The following ANKRD62 variants were observed in gnomAD, a reference collection of about 807,000 sequenced individuals.
ANKRD62 encodes ankyrin repeat domain-containing protein 62.
A neutral mutation model predicts 98.8 loss-of-function variants in ANKRD62; 61 were observed. The ratio of observed to expected loss-of-function variants is 0.62; its 90% CI spans 0.50 to 0.76. The LOEUF is 0.76. Among genes scored for constraint, ANKRD62 ranks in the 30% least tolerant of loss-of-function variants. The probability of loss-of-function intolerance (pLI) is 0.00; values close to 1 mark genes in which losing one functional copy is unlikely to be tolerated. For synonymous variants in ANKRD62, 341 were observed against 367.9 expected, an observed-to-expected ratio of 0.93 and a Z score of 0.84; for missense variants, 933 against 1,082.9, an observed-to-expected ratio of 0.86 and a Z score of 1.94.
At chr18:12,172,774 C>T in the ANKRD62 span, among the ~76,000 whole-genome samples, 91,594 of 150,676 alleles carry the variant, frequency 0.61, 28,030 homozygotes, top group Middle Eastern at 0.75. Context: ...AACTTCCCAG[C>T]GGCTTTATTT....
chr18:12,157,716 G>A, the ANKRD62 span, among the ~76,000 whole-genome samples: 2 of 152,100 alleles, frequency 1.3e-5, no homozygotes, highest in African/African-American at 4.8e-5. Context: ...GGTGGTCATT[G>A]GCTGTCTGTT....
chr18:12,103,534 A>G (rs1449521984), intron 7 of ANKRD62, among the ~76,000 whole-genome samples: 4 of 152,152 alleles, frequency 2.6e-5, no homozygotes, highest in African/African-American at 4.8e-5. Flanking sequence ...AATAAAAATT[A>G]TGAATAATTT....
intron 8 of ANKRD62, among the ~76,000 whole-genome samples, chr18:12,108,877 G>T (rs1413625437): frequency 6.6e-6 from 1 of 152,326 alleles, no homozygotes; most frequent in Non-Finnish European, 1.5e-5. Context: ...GCTCCTAAAT[G>T]ATCTCCTTTG....
intron 6 of ANKRD62, among the ~76,000 whole-genome samples, chr18:12,100,969 A>G (rs1398184812): frequency 2.0e-5 from 3 of 152,206 alleles, no homozygotes; most frequent in Admixed American, 6.5e-5. Flanking sequence ...GCCTCTTTGA[A>G]GTAGGACACA....
the ANKRD62 span, among the ~76,000 whole-genome samples, chr18:12,150,495 A>T: frequency 1.3e-5 from 2 of 152,166 alleles, no homozygotes; most frequent in African/African-American, 2.4e-5. Flanking sequence ...CAAGACATAT[A>T]ATCATCAGAT....
intron 8 of ANKRD62, among the ~76,000 whole-genome samples, chr18:12,111,702 G>C (rs1293958852): frequency 6.6e-6 from 1 of 152,086 alleles, no homozygotes; most frequent in African/African-American, 2.4e-5. Flanking sequence ...TACAACTTGA[G>C]GAAAGTCTCA....
Position 12,095,550 on chromosome 18 carries a change from G to A in ANKRD62, c.447G>A (p.Glu149=). The part of the protein sequence containing the change: ...NTALHYAIDN[E]NISMARKLLA... ...CTCTGCACTATGCCATTGATAATGA[G>A]AATATATCAATGGCAAGAAAACTGC... Residue 149 remains glutamate (E), a synonymous_variant, in exon 3 of 14, where the codon GAG becomes GAA. Transcript: ENST00000587848. The A allele has an allele frequency of 1.3e-6, 2 of 1,548,224 alleles. No individual in the cohort carries two copies. Among genetic ancestry groups the A allele is most frequent in the Non-Finnish European group, 1.7e-6 (2 of 1,152,770 alleles).
At chr18:12,164,122 C>G in the ANKRD62 span, among the ~76,000 whole-genome samples, 1 of 151,852 alleles carries the variant, frequency 6.6e-6, no homozygotes, top group African/African-American at 2.4e-5. Context: ...AGCAGTGAAG[C>G]CATTGGGCCT....
chr18:12,140,964 G>GAGGC, the ANKRD62 span, among the ~76,000 whole-genome samples: 1 of 152,238 alleles, frequency 6.6e-6, no homozygotes, highest in Non-Finnish European at 1.5e-5. Context: ...GGAGCCTACA[G>GAGGC]AGGCAGGCAG....
chr18:12,124,387 C>T, intron 12 of ANKRD62, 67 bp downstream of exon 12: 1 of 508,242 alleles, frequency 2.0e-6, no homozygotes, highest in Non-Finnish European at 3.2e-6. Flanking sequence ...TAGAATATCC[C>T]TTTGACTTAG....
the ANKRD62 span, among the ~76,000 whole-genome samples, chr18:12,140,105 C>T: frequency 5.3e-5 from 8 of 152,158 alleles, no homozygotes; most frequent in Non-Finnish European, 8.8e-5. Context: ...TTTCGTCTTC[C>T]ATCACTGATA....
the ANKRD62 span, among the ~76,000 whole-genome samples, chr18:12,146,767 C>T: frequency 1.3e-5 from 2 of 152,422 alleles, no homozygotes; most frequent in East Asian, 3.9e-4. Flanking sequence ...TTAAAGTGGG[C>T]TGCCGATCCT....
In ANKRD62 at chr18:12,095,427, A is replaced by C. The variant is rs1340459741; in HGVS notation, c.334-10A>C. On this transcript the variant is annotated splice_polypyrimidine_tract_variant and intron_variant, in intron 2 of 13. Coordinates refer to ENST00000587848, the MANE Select transcript of ANKRD62 (RefSeq NM_001277333.2). Reference sequence around the variant, plus strand: ...AATTTACAGTCTATTTCTTGGTCTAATACTGACAGGCTGTACAATGTCAAG... The same window carrying C: ...AATTTACAGTCTATTTCTTGGTCTACTACTGACAGGCTGTACAATGTCAAG... 1.3e-6 allele frequency: 2 copies of C among 1,567,000 alleles called. No individual in the cohort carries two copies. The highest frequency in any genetic ancestry group is 3.7e-5 in the Admixed American group (2 of 54,238).
chr18:12,151,748 A>G, the ANKRD62 span, among the ~76,000 whole-genome samples: 2 of 152,212 alleles, frequency 1.3e-5, no homozygotes, highest in Admixed American at 1.3e-4. Context: ...TGAGACTCAG[A>G]AAATTATCCA....
At chr18:12,113,133 A>T (rs1212403936) in intron 8 of ANKRD62, among the ~76,000 whole-genome samples, 1 of 152,058 alleles carries the variant, frequency 6.6e-6, no homozygotes, top group Non-Finnish European at 1.5e-5. Context: ...GACCTCAGGT[A>T]ATCTGCCCAC....
At chr18:12,107,712 A>G (rs1158676986) in intron 8 of ANKRD62, among the ~76,000 whole-genome samples, 1 of 152,182 alleles carries the variant, frequency 6.6e-6, no homozygotes, top group Non-Finnish European at 1.5e-5. Context: ...CACTGTTGCT[A>G]AATGAAATTG....
chr18:12,095,367 T>A (rs1468986270), intron 2 of ANKRD62, 70 bp from the exon 3 acceptor site: 1 of 1,533,574 alleles, frequency 6.5e-7, no homozygotes, highest in Non-Finnish European at 8.8e-7. Flanking sequence ...CATTGAAATG[T>A]GACTAGTTGG....
the ANKRD62 span, among the ~76,000 whole-genome samples, chr18:12,159,386 A>G: frequency 6.6e-6 from 1 of 152,188 alleles, no homozygotes; most frequent in Non-Finnish European, 1.5e-5. Context: ...TTAATGTACA[A>G]AATTTAGTAC....
Position 12,110,245 on chromosome 18 carries a change from A to G in ANKRD62, c.1064+2778A>G, listed in dbSNP as rs147337139. On this transcript the variant is annotated intron_variant, in intron 8 of 13. Coordinates refer to ENST00000587848, the MANE Select transcript of ANKRD62 (RefSeq NM_001277333.2). ...AGAATTGAGTATTTTAGTATGACTA[A>G]TTGTTTTGTGTATTTGATGAGTATA... Among the ~76,000 whole-genome samples, 418 of 152,312 alleles carry G rather than the reference A, an allele frequency of 2.7e-3. 3 individuals are homozygous for G. Among genetic ancestry groups the G allele is most frequent in the African/African-American group, 9.5e-3 (394 of 41,570 alleles).
Sources: gnomAD v4.1 joint callset for allele counts (sites outside exome capture counted in the v4.1 genomes callset) on GRCh38, gnomAD v4.1.1 for gene constraint, MANE v1.5 for transcripts, NCBI Gene and HGNC (gene_info 2026-07-23, HGNC 2026-07-21) for gene names.